The following NAA11 variants were observed in gnomAD, a reference collection of about 807,000 sequenced individuals.
The protein encoded by NAA11 is N-alpha-acetyltransferase 11, NatA catalytic subunit.
Under a neutral mutation model 16.1 loss-of-function variants are expected in NAA11, and 15 were observed. That is an observed-to-expected ratio of 0.93 (90% confidence interval 0.62 to 1.44). The LOEUF is 1.44. Ranked by LOEUF, NAA11 falls within the 40% of genes most tolerant of loss-of-function variation. The pLI is 0.00. For synonymous variants in NAA11, 122 were observed against 112.4 expected (o/e 1.09, Z -0.54); for missense variants, 298 against 291.3 (o/e 1.02, Z -0.17).
the NAA11 span, among the ~76,000 whole-genome samples, chr4:79,194,274 A>C: frequency 6.6e-6 from 1 of 152,162 alleles, no homozygotes; most frequent in Non-Finnish European, 1.5e-5. Flanking sequence ...AGCCATTTTA[A>C]TGATATTGAT....
At chr4:79,236,089 G>T (rs574154417) in intron 2 of NAA11, among the ~76,000 whole-genome samples, 1 of 152,014 alleles carries the variant, frequency 6.6e-6, no homozygotes, top group Admixed American at 6.6e-5. Flanking sequence ...AATTATTATA[G>T]GTTAATTTTA....
At chr4:79,261,954 C>T (rs891850475) in intron 2 of NAA11, among the ~76,000 whole-genome samples, 2 of 152,002 alleles carry the variant, frequency 1.3e-5, no homozygotes, top group South Asian at 2.1e-4. Flanking sequence ...TAGTGTTTCC[C>T]GATGATACCC....
At chr4:79,157,875 C>A in the NAA11 span, among the ~76,000 whole-genome samples, 1 of 150,058 alleles carries the variant, frequency 6.7e-6, no homozygotes, top group Non-Finnish European at 1.5e-5. Context: ...AAGAAGAAGT[C>A]AAACTGTTGC....
the NAA11 span, among the ~76,000 whole-genome samples, chr4:79,197,152 A>G: frequency 2.0e-5 from 3 of 151,976 alleles, no homozygotes; most frequent in South Asian, 6.2e-4. Flanking sequence ...ATTTGTTACC[A>G]TAACAAGAAA....
At chr4:79,173,784 A>G in the NAA11 span, among the ~76,000 whole-genome samples, 1 of 152,086 alleles carries the variant, frequency 6.6e-6, no homozygotes, top group Non-Finnish European at 1.5e-5. Flanking sequence ...TGAGAAGACA[A>G]TGTTAGCTTT....
chr4:79,172,868 G>A, the NAA11 span, among the ~76,000 whole-genome samples: 1 of 152,276 alleles, frequency 6.6e-6, no homozygotes, highest in Non-Finnish European at 1.5e-5. Flanking sequence ...AGGGGTATTA[G>A]AGGCAATCTT....
intron 2 of NAA11, among the ~76,000 whole-genome samples, chr4:79,256,633 C>CATAT (rs1486193149): frequency 0.078 from 8,233 of 105,720 alleles, 525 homozygotes; most frequent in Middle Eastern, 0.11. Context: ...TAAAATGAAC[C>CATAT]ATATATATAT....
At chr4:79,186,687 A>G in the NAA11 span, among the ~76,000 whole-genome samples, 1 of 152,212 alleles carries the variant, frequency 6.6e-6, no homozygotes. Flanking sequence ...AAGAAAGATA[A>G]AAAGAGATGG....
chr4:79,281,763 G>A (rs1049936528), intron 2 of NAA11, among the ~76,000 whole-genome samples: 3 of 151,996 alleles, frequency 2.0e-5, no homozygotes, highest in Admixed American at 1.3e-4. Context: ...GCTGTCCAAG[G>A]GAGAGAATAC....
At chr4:79,319,379 AT>A (rs1259390306) in intron 1 of NAA11, among the ~76,000 whole-genome samples, 3 of 152,202 alleles carry the variant, frequency 2.0e-5, no homozygotes, top group Non-Finnish European at 2.9e-5. Context: ...TTAAAAAAAA[AT>A]CCTATAATTT....
At chr4:79,323,366 T>G (rs1277129289) in intron 1 of NAA11, among the ~76,000 whole-genome samples, 1 of 152,212 alleles carries the variant, frequency 6.6e-6, no homozygotes, top group Non-Finnish European at 1.5e-5. Context: ...TTTCAGTGGT[T>G]TCTTAGTATT....
the NAA11 span, among the ~76,000 whole-genome samples, chr4:79,167,202 CAT>C: frequency 1.2e-5 from 1 of 80,944 alleles, no homozygotes; most frequent in Non-Finnish European, 2.5e-5. Flanking sequence ...TATATACATA[CAT>C]ATATATACAT....
chr4:79,309,278 T>C (rs970253739), intron 1 of NAA11, among the ~76,000 whole-genome samples: 1 of 150,396 alleles, frequency 6.6e-6, no homozygotes, highest in Non-Finnish European at 1.5e-5. Context: ...AGAATTTGCT[T>C]TGCACATGGA....
chr4:79,287,388 C>T (rs1213552617), intron 2 of NAA11, among the ~76,000 whole-genome samples: 1 of 152,026 alleles, frequency 6.6e-6, no homozygotes, highest in Non-Finnish European at 1.5e-5. Flanking sequence ...CTGAACCTTT[C>T]GGGGTAGCCA....
chr4:79,203,078 T>C, the NAA11 span, among the ~76,000 whole-genome samples: 1 of 151,650 alleles, frequency 6.6e-6, no homozygotes. Flanking sequence ...TTTTTAAGTA[T>C]TTATTCTAAT....
chr4:79,277,706 C>T (rs752950088), intron 2 of NAA11, among the ~76,000 whole-genome samples: 9 of 151,996 alleles, frequency 5.9e-5, no homozygotes, highest in Non-Finnish European at 8.8e-5. Flanking sequence ...CCCTGACTCC[C>T]GCCAAAGCAC....
chr4:79,242,316 C>T (rs1399155738), intron 2 of NAA11, among the ~76,000 whole-genome samples: 1 of 152,242 alleles, frequency 6.6e-6, no homozygotes, highest in African/African-American at 2.4e-5. Context: ...TTCAGTCCAC[C>T]TGCACTTTGG....
intron 2 of NAA11, among the ~76,000 whole-genome samples, chr4:79,267,600 A>C (rs151061935): frequency 1.9e-4 from 29 of 152,228 alleles, no homozygotes; most frequent in African/African-American, 7.0e-4. Flanking sequence ...CATAACTGCA[A>C]ATACAAGTCC....
chr4:79,259,047 C>T (rs1455834664), intron 2 of NAA11: 2 of 164,206 alleles, frequency 1.2e-5, no homozygotes, highest in Non-Finnish European at 2.7e-5. Context: ...AAGGTACCCA[C>T]TCCAAGGCTT....
Sources: allele counts gnomAD v4.1 joint callset (sites outside exome capture counted in the v4.1 genomes callset), GRCh38; gene constraint gnomAD v4.1.1; transcripts MANE v1.5; gene names NCBI Gene and HGNC (gene_info 2026-07-23, HGNC 2026-07-21).